The following ANGPT1 variants were observed in gnomAD, a reference collection of about 807,000 sequenced individuals.
ANGPT1 encodes angiopoietin-1.
Under a neutral mutation model 62.2 loss-of-function variants are expected in ANGPT1, and 17 were observed. That is an observed-to-expected ratio of 0.27 (90% CI 0.19 to 0.41). The LOEUF (loss-of-function observed/expected upper bound fraction) is 0.41, where lower values mean the gene tolerates loss of function less well. Among genes scored for constraint, ANGPT1 ranks in the 10% least tolerant of loss-of-function variants. The probability of loss-of-function intolerance (pLI) is 1.00; values close to 1 mark genes in which losing one functional copy is unlikely to be tolerated. For missense variants in ANGPT1, 478 were observed against 594.9 expected (o/e 0.80, Z 2.04); for synonymous variants, 199 against 198.9 (o/e 1.00, Z 0.00).
At chr8:107,418,545 A>G (rs954561695) in intron 1 of ANGPT1, among the ~76,000 whole-genome samples, 2 of 152,228 alleles carry the variant, frequency 1.3e-5, no homozygotes, top group African/African-American at 4.8e-5. Context: ...TTCTTTAGAT[A>G]TTTGTAGAAA....
At chr8:107,271,643 T>A (rs561545387) in intron 7 of ANGPT1, among the ~76,000 whole-genome samples, 20 of 152,092 alleles carry the variant, frequency 1.3e-4, no homozygotes, top group African/African-American at 4.6e-4. Context: ...TTATTTTCTA[T>A]AGAGGAAGCA....
At chr8:107,382,455 A>G (rs1367961374) in intron 1 of ANGPT1, among the ~76,000 whole-genome samples, 2 of 152,090 alleles carry the variant, frequency 1.3e-5, no homozygotes, top group Admixed American at 6.6e-5. Context: ...GCAAATTCCC[A>G]GTTACTATGT....
chr8:107,273,889 T>G (rs2130082261), intron 7 of ANGPT1, among the ~76,000 whole-genome samples: 1 of 151,522 alleles, frequency 6.6e-6, no homozygotes, highest in Non-Finnish European at 1.5e-5. Context: ...TTTGTGTTTC[T>G]TCATCATTCT....
Position 107,497,447 on chromosome 8 carries a change from G to C in ANGPT1, c.112C>G (p.His38Asp), listed in dbSNP as rs1321086599. The C allele has an allele frequency of 1.2e-6, 2 of 1,614,172 alleles. No individual in the cohort carries two copies. The highest frequency in any genetic ancestry group is 1.7e-6 in the Non-Finnish European group (2 of 1,180,032). ...ATGAAAGTGTAGGCACATTGCCCAT[G>C]TTGAATCCGGTTATATCTTCTCCCA... ...NSGRRYNRIQ[H>D]GQCAYTFILP... The change falls in exon 1 of 9, where the codon CAT (histidine) becomes GAT (aspartate). Residue 38 changes from histidine (H) to aspartate (D), a missense_variant. His to Asp is a moderately conservative substitution (Grantham distance 81). Coordinates refer to ENST00000517746, the MANE Select transcript of ANGPT1 (RefSeq NM_001146.5).
At chr8:107,383,464 C>T (rs973902615) in intron 1 of ANGPT1, among the ~76,000 whole-genome samples, 3 of 152,044 alleles carry the variant, frequency 2.0e-5, no homozygotes, top group Non-Finnish European at 4.4e-5. Context: ...CTTCTTGCAC[C>T]GAATTCCAGG....
intron 1 of ANGPT1, among the ~76,000 whole-genome samples, chr8:107,480,162 A>T (rs1812639582): frequency 6.6e-6 from 1 of 152,148 alleles, no homozygotes; most frequent in Non-Finnish European, 1.5e-5. Context: ...TGTTCCAGTC[A>T]CTGCTATTGA....
Position 107,325,316 on chromosome 8 carries a change from T to C in ANGPT1, c.576-3188A>G, listed in dbSNP as rs184297947. On this transcript the variant is annotated intron_variant, in intron 3 of 8. Transcript: ENST00000517746. ...TTTACTTTTTATTTACTTTTCTTGC[T>C]AGTCCTGGGGTAATGATCAGAGGCA... 1.2e-3 allele frequency among the ~76,000 whole-genome samples: 186 copies of C among 152,330 alleles called. 2 individuals are homozygous for C. The highest frequency in any genetic ancestry group is 9.0e-4 in the Non-Finnish European group (61 of 68,016).
chr8:107,471,856 G>A (rs1320613181), intron 1 of ANGPT1, among the ~76,000 whole-genome samples: 1 of 151,998 alleles, frequency 6.6e-6, no homozygotes, highest in Non-Finnish European at 1.5e-5. Flanking sequence ...CAAATTCAGA[G>A]CAGCAAACAT....
At chr8:107,474,622 T>C (rs1164037814) in intron 1 of ANGPT1, among the ~76,000 whole-genome samples, 3 of 152,084 alleles carry the variant, frequency 2.0e-5, no homozygotes, top group African/African-American at 7.2e-5. Flanking sequence ...GGGTATTCAA[T>C]TGGGAAAAGA....
intron 1 of ANGPT1, among the ~76,000 whole-genome samples, chr8:107,366,564 T>C (rs763396853): frequency 1.3e-5 from 2 of 152,190 alleles, no homozygotes; most frequent in South Asian, 2.1e-4. Context: ...CTGTTTTTTA[T>C]CCAGAAAGCT....
chr8:107,375,979 G>A (rs1054880103), intron 1 of ANGPT1, among the ~76,000 whole-genome samples: 1 of 152,176 alleles, frequency 6.6e-6, no homozygotes, highest in Non-Finnish European at 1.5e-5. Context: ...CCAGGAAAGG[G>A]CCTATGGGAA....
At chr8:107,378,542 C>G (rs563953415) in intron 1 of ANGPT1, among the ~76,000 whole-genome samples, 1 of 152,074 alleles carries the variant, frequency 6.6e-6, no homozygotes, top group Non-Finnish European at 1.5e-5. Context: ...TACACTGTTA[C>G]GGCTTGGCTC....
intron 1 of ANGPT1, among the ~76,000 whole-genome samples, chr8:107,395,111 A>G (rs1054988796): frequency 6.6e-6 from 1 of 152,162 alleles, no homozygotes; most frequent in Non-Finnish European, 1.5e-5. Context: ...GGATTCCTAG[A>G]AATGTCCAAT....
chr8:107,405,327 A>G (rs1282043919), intron 1 of ANGPT1, among the ~76,000 whole-genome samples: 1 of 151,936 alleles, frequency 6.6e-6, no homozygotes, highest in Non-Finnish European at 1.5e-5. Context: ...TTAATGGTAT[A>G]TTGCAAATAA....
Position 107,293,979 on chromosome 8 carries a change from T to C in ANGPT1, c.995A>G (p.Asp332Gly). 6.2e-7 allele frequency: 1 copy of C among 1,613,614 alleles called. No individual in the cohort carries two copies. The highest frequency in any genetic ancestry group is 8.5e-7 in the Non-Finnish European group (1 of 1,179,792). ...GCCTCTTTGGAAATCTAGACTTCCA[T>C]CTTCACGATGTTGTATTACAGTCCA... ...GGWTVIQHRE[D>G]GSLDFQRGWK... The change falls in exon 6 of 9, where the codon GAT (aspartate) becomes GGT (glycine). Residue 332 changes from aspartate (D) to glycine (G), a missense_variant. Around this residue, in one of 4 missense-constraint regions of ANGPT1, gnomAD observed 81 missense variants for 117.1 expected, o/e 0.69. Transcript: ENST00000517746.
chr8:107,482,106 T>C (rs1812703905), intron 1 of ANGPT1, among the ~76,000 whole-genome samples: 1 of 152,222 alleles, frequency 6.6e-6, no homozygotes, highest in South Asian at 2.1e-4. Flanking sequence ...GAACCTGATG[T>C]AGCTTATGTT....
rs538736215 is a variant in ANGPT1 at position 107,410,316 on chromosome 8, G to A, written c.298-63219C>T. 3.0e-4 allele frequency among the ~76,000 whole-genome samples: 45 copies of A among 152,234 alleles called. 2 individuals are homozygous for A. In the South Asian group the frequency reaches 9.1e-3, roughly 31 times the overall value. On this transcript the variant is annotated intron_variant, in intron 1 of 8. Transcript: ENST00000517746. ...CCCAGCTAGTGTCCCACTGCAATTG[G>A]CAGATTTTAGGACTGATCTTCTAAG...
intron 1 of ANGPT1, among the ~76,000 whole-genome samples, chr8:107,490,993 G>A (rs1812939678): frequency 6.6e-6 from 1 of 152,146 alleles, no homozygotes; most frequent in South Asian, 2.1e-4. Context: ...AAGGTAATAT[G>A]TAAAATATAG....
chr8:107,265,812 A>G (rs183094835), intron 7 of ANGPT1, among the ~76,000 whole-genome samples: 1 of 152,186 alleles, frequency 6.6e-6, no homozygotes, highest in African/African-American at 2.4e-5. Context: ...ATAAAGATCA[A>G]TTAATATTTG....
Sources: gnomAD v4.1 joint callset for allele counts (sites outside exome capture counted in the v4.1 genomes callset) on GRCh38, gnomAD v4.1.1 for gene constraint, gnomAD v4.1.1 regional missense constraint, MANE v1.5 for transcripts, NCBI Gene and HGNC (gene_info 2026-07-23, HGNC 2026-07-21) for gene names.